Variants in ACYP2 observed in about 807,000 individuals in gnomAD.
ACYP2 encodes acylphosphatase-2.
A neutral mutation model predicts 11.2 loss-of-function variants in ACYP2; 12 were observed. The ratio of observed to expected loss-of-function variants is 1.08; its 90% CI spans 0.69 to 1.74. The LOEUF (loss-of-function observed/expected upper bound fraction) is 1.74. Among genes scored for constraint, ACYP2 ranks in the 40% most tolerant of loss-of-function variants. The pLI is 0.00. For synonymous variants in ACYP2, 43 were observed against 32.2 expected (o/e 1.33, Z -1.13); for missense variants, 134 against 101.9 (o/e 1.31, Z -1.35).
At chr2:54,289,330 A>G (rs994033533) in intron 6 of ACYP2, among the ~76,000 whole-genome samples, 4 of 151,962 alleles carry the variant, frequency 2.6e-5, no homozygotes, top group Non-Finnish European at 4.4e-5. Context: ...TTATTTATGA[A>G]AACTACAGCA....
chr2:54,123,140 T>G (rs1680254671), intron 4 of ACYP2: 1 of 383,548 alleles, frequency 2.6e-6, no homozygotes, highest in African/African-American at 2.1e-5. Flanking sequence ...TCACTGCATG[T>G]CCCTGTGACA....
At chr2:54,036,238 C>G (rs2104558652) in intron 2 of ACYP2, among the ~76,000 whole-genome samples, 1 of 152,116 alleles carries the variant, frequency 6.6e-6, no homozygotes, top group East Asian at 1.9e-4. Context: ...GGGATTACAG[C>G]AGTATGCCAC....
Position 54,304,834 on chromosome 2 carries a change from T to C in ACYP2, c.*32T>C, listed in dbSNP as rs766670259. ...AGAAAAATTGTAACACACTGAACAA[T>C]AGATACTGTATGTTCTTAAGACTAT... On this transcript the variant is annotated 3_prime_UTR_variant, in exon 7 of 7. Transcript: ENST00000607452. 13 of 1,230,924 alleles carry C rather than the reference T, an allele frequency of 1.1e-5. No homozygotes were observed. Among genetic ancestry groups the C allele is most frequent in the African/African-American group, 7.5e-5 (5 of 66,488 alleles). 76.3% of individuals were successfully genotyped at this position (1,230,924 alleles called of 1,614,324 possible).
intron 6 of ACYP2, among the ~76,000 whole-genome samples, chr2:54,230,774 C>G (rs1686200546): frequency 6.6e-6 from 1 of 151,766 alleles, no homozygotes. Flanking sequence ...AGCCTGGAAG[C>G]CCCGCTTTGA....
chr2:54,134,035 T>C (rs4671872), intron 4 of ACYP2, among the ~76,000 whole-genome samples: 85,121 of 152,036 alleles, frequency 0.56, 23,963 homozygotes, highest in East Asian at 0.72. Flanking sequence ...CCAAGACCAA[T>C]GATACTTCCC....
At chr2:54,029,678 G>T (rs1674479630) in intron 2 of ACYP2, 4 of 477,112 alleles carry the variant, frequency 8.4e-6, no homozygotes, top group East Asian at 5.3e-5. Flanking sequence ...AGTGCTTAAA[G>T]TGCTTAATAC....
chr2:54,201,106 C>CTTTTT (rs1684734202), intron 6 of ACYP2, among the ~76,000 whole-genome samples: 1 of 144,374 alleles, frequency 6.9e-6, no homozygotes. Flanking sequence ...GGTTCTCTCT[C>CTTTTT]TCTTTTTTTT....
intron 6 of ACYP2, among the ~76,000 whole-genome samples, chr2:54,221,845 C>A (rs983182191): frequency 6.6e-6 from 1 of 152,004 alleles, no homozygotes; most frequent in African/African-American, 2.4e-5. Flanking sequence ...TGTAATGGAA[C>A]TTGAGGAATA....
At chr2:53,978,009 C>G (rs1365732573) in intron 2 of ACYP2, among the ~76,000 whole-genome samples, 1 of 152,102 alleles carries the variant, frequency 6.6e-6, no homozygotes, top group Non-Finnish European at 1.5e-5. Flanking sequence ...CGCCTGTAAT[C>G]CCAGCACTTT....
At chr2:54,208,868 T>G (rs1391890995) in intron 6 of ACYP2, among the ~76,000 whole-genome samples, 1 of 152,162 alleles carries the variant, frequency 6.6e-6, no homozygotes, top group Non-Finnish European at 1.5e-5. Flanking sequence ...TGTGATTGTG[T>G]GTGTGTGTGC....
At chr2:54,167,592 A>G (rs571782270) in intron 6 of ACYP2, among the ~76,000 whole-genome samples, 19 of 152,336 alleles carry the variant, frequency 1.2e-4, no homozygotes, top group South Asian at 2.1e-4. Context: ...GGGAGGAACT[A>G]CTGAGGCATT....
At chr2:54,086,717 C>T (rs927637310) in intron 4 of ACYP2, among the ~76,000 whole-genome samples, 1 of 152,210 alleles carries the variant, frequency 6.6e-6, no homozygotes, top group Non-Finnish European at 1.5e-5. Flanking sequence ...GTTTGCTAGG[C>T]ATTTGAAACA....
At chr2:53,991,414 T>A (rs1316963950) in intron 2 of ACYP2, among the ~76,000 whole-genome samples, 6 of 151,918 alleles carry the variant, frequency 3.9e-5, no homozygotes, top group Non-Finnish European at 8.8e-5. Context: ...TTTTTTCTTT[T>A]TTTTTTTTTG....
At chr2:54,263,183 A>C (rs1573013277) in intron 6 of ACYP2, among the ~76,000 whole-genome samples, 1 of 152,354 alleles carries the variant, frequency 6.6e-6, no homozygotes, top group South Asian at 2.1e-4. Context: ...GGGAGACTTA[A>C]GGAAGCTTAC....
chr2:54,115,632 C>G, intron 4 of ACYP2: 1 of 1,573,312 alleles, frequency 6.4e-7, no homozygotes, highest in Non-Finnish European at 8.6e-7. Flanking sequence ...CCCTCCCTCT[C>G]GCAGCCGCCG....
At chr2:54,085,042 A>C (rs1274676970) in intron 4 of ACYP2, 1 of 152,240 alleles carries the variant, frequency 6.6e-6, no homozygotes, top group East Asian at 1.9e-4. Context: ...TTACTTTCAA[A>C]AAAACAATAC....
At chr2:54,167,004 T>C (rs1683004721) in intron 6 of ACYP2, 1 of 111,262 alleles carries the variant, frequency 9.0e-6, no homozygotes, top group Admixed American at 8.1e-5. Context: ...AAGCTGTAAC[T>C]TTTTTTTTTT....
At chr2:54,232,046 G>A (rs935109654) in intron 6 of ACYP2, among the ~76,000 whole-genome samples, 2 of 152,114 alleles carry the variant, frequency 1.3e-5, no homozygotes, top group Non-Finnish European at 2.9e-5. Context: ...CACAAATTAT[G>A]GCACTTTATG....
intron 6 of ACYP2, among the ~76,000 whole-genome samples, chr2:54,148,629 A>G (rs1279632613): frequency 6.6e-6 from 1 of 152,206 alleles, no homozygotes; most frequent in Non-Finnish European, 1.5e-5. Flanking sequence ...GGTTGTCATC[A>G]GTATGTGGAT....
Sources: gnomAD v4.1 joint callset for allele counts (sites outside exome capture counted in the v4.1 genomes callset) on GRCh38, gnomAD v4.1.1 for gene constraint, MANE v1.5 for transcripts, NCBI Gene and HGNC (gene_info 2026-07-23, HGNC 2026-07-21) for gene names.